Variants in KMT2C observed in about 807,000 individuals in gnomAD.
The protein encoded by KMT2C is histone-lysine N-methyltransferase 2C.
A neutral mutation model predicts 507.9 loss-of-function variants in KMT2C; 88 were observed. The ratio of observed to expected loss-of-function variants is 0.17; its 90% confidence interval spans 0.15 to 0.21. The LOEUF is 0.21. Ranked by LOEUF, KMT2C falls within the 10% of genes least tolerant of loss-of-function variation. The pLI is 1.00. For missense variants in KMT2C, 4,954 were observed against 5,957.8 expected (o/e 0.83, Z 5.55); for synonymous variants, 2,049 against 2,080.8 (o/e 0.98, Z 0.42).
At chr7:152,153,750 A>AG (rs1343089256) in intron 48 of KMT2C, among the ~76,000 whole-genome samples, 1 of 149,394 alleles carries the variant, frequency 6.7e-6, no homozygotes, top group Non-Finnish European at 1.5e-5. Flanking sequence ...AAAAAAAAAA[A>AG]GAGTTCTCTA....
rs145155567 is a variant in KMT2C, at chr7:152,376,277, T to C, written c.162-17602A>G. Among the ~76,000 whole-genome samples the C allele has an allele frequency of 1.3e-3, 191 of 152,288 alleles. 1 individual carries two copies. Among genetic ancestry groups the C allele is most frequent in the Non-Finnish European group, 1.9e-3 (129 of 68,028 alleles). On this transcript the variant is annotated intron_variant, in intron 1 of 58. Transcript: ENST00000262189. ...CACAACCATATTGAAATTAGGCCAA[T>C]TAGTTAACCCTAATCCTACAATGGC...
chr7:152,206,626 A>C (rs562665752), intron 24 of KMT2C, among the ~76,000 whole-genome samples: 185 of 152,306 alleles, frequency 1.2e-3, no homozygotes, highest in Non-Finnish European at 2.0e-3. Context: ...AAACTGCCTA[A>C]GGAAAGCCTA....
rs530960571 is a variant in KMT2C at position 152,317,596 on chromosome 7, A to G, written c.390-2258T>C. 1.1e-3 allele frequency among the ~76,000 whole-genome samples: 175 copies of G among 152,342 alleles called. No individual in the cohort carries two copies. In the Middle Eastern group the frequency reaches 0.017, roughly 15 times the overall value. On this transcript the variant is annotated intron_variant, in intron 3 of 58. Transcript: ENST00000262189. ...AGAACTCAGTAAAAATTTTTAAGAA[A>G]TTGCTAGAAGCCAAGTGTGAAACAC...
intron 23 of KMT2C, among the ~76,000 whole-genome samples, chr7:152,214,553 C>G (rs1404898977): frequency 6.6e-6 from 1 of 152,046 alleles, no homozygotes; most frequent in African/African-American, 2.4e-5. Context: ...ACTTTTTTCC[C>G]CCTCTTAACC....
chr7:152,364,969 A>ACACACG (rs2097229395), intron 1 of KMT2C, among the ~76,000 whole-genome samples: 1 of 151,670 alleles, frequency 6.6e-6, no homozygotes, highest in Non-Finnish European at 1.5e-5. Flanking sequence ...ACACACACAC[A>ACACACG]CGTACCAGTA....
intron 28 of KMT2C, among the ~76,000 whole-genome samples, chr7:152,195,238 C>G (rs369145538): frequency 1.3e-5 from 2 of 151,818 alleles, no homozygotes; most frequent in Non-Finnish European, 1.5e-5. Flanking sequence ...CTTATTTGAT[C>G]TTATATTAGG....
At chr7:152,410,152 C>T (rs952155799) in intron 1 of KMT2C, among the ~76,000 whole-genome samples, 9 of 152,100 alleles carry the variant, frequency 5.9e-5, no homozygotes, top group Admixed American at 5.2e-4. Context: ...TGGCTCATGC[C>T]GGTAATCCTA....
intron 23 of KMT2C, among the ~76,000 whole-genome samples, chr7:152,209,363 A>G (rs1221310425): frequency 3.3e-5 from 5 of 150,146 alleles, no homozygotes; most frequent in Admixed American, 1.3e-4. Flanking sequence ...AGGCTGAGGC[A>G]GGAGCATGGC....
chr7:152,307,782 C>G lies in KMT2C; in HGVS notation c.849+2184G>C, dbSNP rs190427451. Among the ~76,000 whole-genome samples the G allele has an allele frequency of 2.2e-3, 337 of 152,224 alleles. 3 individuals carry two copies. The highest frequency in any genetic ancestry group is 0.01 in the Middle Eastern group (3 of 294). On this transcript the variant is annotated intron_variant, in intron 6 of 58. Coordinates refer to ENST00000262189, the MANE Select transcript of KMT2C (RefSeq NM_170606.3). ...TTCTTTTAACTACCTTCCTAGCAAA[C>G]AGAGGTAGGAAATACATGGACACAT...
intron 14 of KMT2C, among the ~76,000 whole-genome samples, chr7:152,247,513 A>C (rs2095490794): frequency 1.3e-5 from 2 of 152,300 alleles, no homozygotes; most frequent in African/African-American, 4.8e-5. Context: ...ACAATGAATA[A>C]TATCAATAAA....
At chr7:152,349,301 A>C (rs1321236766) in intron 2 of KMT2C, among the ~76,000 whole-genome samples, 6 of 151,836 alleles carry the variant, frequency 4.0e-5, no homozygotes, top group Non-Finnish European at 8.8e-5. Flanking sequence ...CAAAATAGCC[A>C]GGTGTGGTGG....
At chr7:152,258,841 T>C (rs570785352) in intron 9 of KMT2C, among the ~76,000 whole-genome samples, 1 of 152,272 alleles carries the variant, frequency 6.6e-6, no homozygotes, top group Non-Finnish European at 1.5e-5. Context: ...AGTAAGTTTT[T>C]CAAATCTAGA....
chr7:152,378,644 CCTGTATTTA>C, intron 1 of KMT2C, among the ~76,000 whole-genome samples: 1 of 152,158 alleles, frequency 6.6e-6, no homozygotes, highest in East Asian at 1.9e-4. Context: ...CCAAGGTATG[CCTGTATTTA>C]CTTTGGTACC....
chr7:152,413,702 T>C (rs1301758478), intron 1 of KMT2C, among the ~76,000 whole-genome samples: 3 of 151,468 alleles, frequency 2.0e-5, no homozygotes, highest in African/African-American at 7.3e-5. Flanking sequence ...CTAGCCAACA[T>C]AGCAAAACCC....
At chr7:152,241,687 T>C (rs1268444646) in intron 14 of KMT2C, among the ~76,000 whole-genome samples, 1 of 152,230 alleles carries the variant, frequency 6.6e-6, no homozygotes, top group East Asian at 1.9e-4. Context: ...CCTAAATTAC[T>C]TCTCTCAATA....
At chr7:152,290,425 T>TC (rs1339454684) in intron 6 of KMT2C, among the ~76,000 whole-genome samples, 1 of 146,470 alleles carries the variant, frequency 6.8e-6, no homozygotes, top group Non-Finnish European at 1.5e-5. Context: ...ATTCTCTGTC[T>TC]CGGCCTCCCC....
intron 16 of KMT2C, among the ~76,000 whole-genome samples, chr7:152,231,198 T>A (rs1166024378): frequency 6.6e-6 from 1 of 152,244 alleles, no homozygotes. Flanking sequence ...ATTAGCCATA[T>A]GATTATCAAC....
chr7:152,233,028 A>G (rs1051139042), intron 16 of KMT2C, among the ~76,000 whole-genome samples: 1 of 152,228 alleles, frequency 6.6e-6, no homozygotes, highest in Non-Finnish European at 1.5e-5. Context: ...AATGATAAAC[A>G]ATATATTCCC....
At chr7:152,207,149 ATAGTT>A (rs1166417395) in intron 24 of KMT2C, 146 bp downstream of exon 24, 3 of 696,970 alleles carry the variant, frequency 4.3e-6, no homozygotes, top group East Asian at 6.6e-5. Context: ...TCGTATTCAA[ATAGTT>A]TAGTTCTTTA....
Sources: gnomAD v4.1 joint callset for allele counts (sites outside exome capture counted in the v4.1 genomes callset) on GRCh38, gnomAD v4.1.1 for gene constraint, MANE v1.5 for transcripts, NCBI Gene and HGNC (gene_info 2026-07-23, HGNC 2026-07-21) for gene names.